SLC11A1: variants seen among roughly 807,000 people sequenced by gnomAD.
SLC11A1 encodes natural resistance-associated macrophage protein 1.
Under a neutral mutation model 63.2 loss-of-function variants are expected in SLC11A1, and 59 were observed. That is an observed-to-expected ratio of 0.93 (90% CI 0.76 to 1.16). SLC11A1 has a LOEUF of 1.16. Ranked by LOEUF, SLC11A1 falls within the 50% of genes most tolerant of loss-of-function variation. The pLI is 0.00. For missense variants in SLC11A1, 688 were observed against 730.7 expected, an observed-to-expected ratio of 0.94 and a Z score of 0.67; for synonymous variants, 305 against 307.8, an observed-to-expected ratio of 0.99 and a Z score of 0.09.
chr2:218,382,985 C>G lies in SLC11A1; in HGVS notation c.33C>G (p.Ser11Arg). The stretch of plus-strand genomic sequence containing the variant: ...GTGACAAGGGTCCCCAAAGGCTAAG[C>G]GGGTCCAGCTATGGTTCCATCTCCA... MTGDKGPQRL[S>R]GSSYGSISSP... Residue 11 changes from serine to arginine, a missense_variant, in exon 2 of 15, where the codon AGC becomes AGG. Physicochemically the swap from Ser to Arg is moderately radical, Grantham distance 110. Transcript: ENST00000233202. 1.9e-6 allele frequency: 3 copies of G among 1,614,082 alleles called. No homozygotes were observed. The highest frequency in any genetic ancestry group is 2.5e-6 in the Non-Finnish European group (3 of 1,180,010).
chr2:218,382,723 G>T (rs750152074), intron 1 of SLC11A1, among the ~76,000 whole-genome samples: 1 of 152,178 alleles, frequency 6.6e-6, no homozygotes, highest in Non-Finnish European at 1.5e-5. Flanking sequence ...ATTCTCTGTG[G>T]CAGGAGATCT....
rs2106334814 is a variant in SLC11A1 at position 218,390,017 on chromosome 2, A to C, written c.943A>C (p.Asn315His). ...VFGQAFYQKT[N>H]QAAFNICANS... is the part of the protein sequence containing the mutation. ...TGGGCAGGCCTTCTACCAGAAAACC[A>C]ACCAGGCTGCGGTGAGACACACTTT... is the stretch of plus-strand genomic sequence containing the variant. The change falls in exon 9 of 15, where the codon AAC becomes CAC. Residue 315 changes from asparagine (N) to histidine (H), a missense_variant. By Grantham distance (68) the Asn-to-His change is moderately conservative. Coordinates refer to ENST00000233202, the MANE Select transcript of SLC11A1 (RefSeq NM_000578.4). 1 of 1,611,568 alleles carries C rather than the reference A, an allele frequency of 6.2e-7. No individual in the cohort carries two copies. Among genetic ancestry groups the C allele is most frequent in the South Asian group, 1.1e-5 (1 of 90,800 alleles).
At position 218,383,005 on chromosome 2, in the gene SLC11A1, T is replaced by A; in HGVS notation, c.53T>A (p.Ile18Asn). The change falls in exon 2 of 15, where the codon ATC (isoleucine) becomes AAC (asparagine). Residue 18 changes from isoleucine to asparagine, a missense_variant. Transcript: ENST00000233202. ...CTAAGCGGGTCCAGCTATGGTTCCA[T>A]CTCCAGCCCGACCAGCCCGACCAGC... ...QRLSGSSYGSISSPTSPTSPG... is the reference protein window; with the variant it reads ...QRLSGSSYGSNSSPTSPTSPG... 6.2e-7 allele frequency: 1 copy of A among 1,613,842 alleles called. No individual in the cohort carries two copies.
chr2:218,387,589 T>C lies in SLC11A1; in HGVS notation c.596T>C (p.Phe199Ser), dbSNP rs1358670849. The change falls in exon 7 of 15, where the codon TTT becomes TCT. Residue 199 changes from phenylalanine (F) to serine (S), a missense_variant. Phe to Ser is a radical substitution (Grantham distance 155). Transcript: ENST00000233202. ...GGGCTGCGGAAGCTGGAAGCTTTTT[T>C]TGGACTCCTTATAACCATTATGGCC... is the stretch of plus-strand genomic sequence containing the variant. ...NYGLRKLEAF[F>S]GLLITIMALT... 3 of 1,614,212 alleles carry C rather than the reference T, an allele frequency of 1.9e-6. No homozygotes were observed. The highest frequency in any genetic ancestry group is 2.5e-6 in the Non-Finnish European group (3 of 1,180,042).
At position 218,387,189 on chromosome 2, in the gene SLC11A1, C is replaced by T; in HGVS notation, c.530C>T (p.Thr177Ile). 1 of 1,614,168 alleles carries T rather than the reference C, an allele frequency of 6.2e-7. No homozygotes were observed. Among genetic ancestry groups the T allele is most frequent in the Non-Finnish European group, 8.5e-7 (1 of 1,180,010 alleles). The change falls in exon 6 of 15, where the codon ACC (threonine) becomes ATC (isoleucine). Residue 177 changes from threonine (T) to isoleucine (I), a missense_variant. Transcript: ENST00000233202. ...CCACTCTGGGGTGGCGTCCTCATCA[C>T]CATCGTGGACACCTTCTTCTTCCTC... is the stretch of plus-strand genomic sequence containing the variant. ...RIPLWGGVLI[T>I]IVDTFFFLFL...
intron 4 of SLC11A1, among the ~76,000 whole-genome samples, chr2:218,385,776 G>A (rs1372922617): frequency 6.6e-6 from 1 of 152,196 alleles, no homozygotes; most frequent in Non-Finnish European, 1.5e-5. Flanking sequence ...TCATTTCACA[G>A]AAGGGGTAAT....
Position 218,395,050 on chromosome 2 carries a change from C to G in SLC11A1, c.*15C>G. On this transcript the variant is annotated 3_prime_UTR_variant, in exon 15 of 15. Coordinates refer to ENST00000233202, the MANE Select transcript of SLC11A1 (RefSeq NM_000578.4). ...CCTCTGGCTAGGCCCACACCAGGGC[C>G]TGGCTGGGAGTGGCATGTATGACGT... 6.4e-7 allele frequency: 1 copy of G among 1,569,692 alleles called. No homozygotes were observed. Among genetic ancestry groups the G allele is most frequent in the Non-Finnish European group, 8.7e-7 (1 of 1,152,846 alleles).
intron 9 of SLC11A1, among the ~76,000 whole-genome samples, chr2:218,390,914 G>A (rs566480887): frequency 2.0e-5 from 3 of 152,068 alleles, no homozygotes; most frequent in Admixed American, 1.3e-4. Flanking sequence ...GGGTGCGGTG[G>A]CTCACGCCTG....
In SLC11A1 at chr2:218,386,745, C is replaced by G. The variant is rs775967572; in HGVS notation, c.500+4C>G. On this transcript the variant is annotated splice_donor_region_variant and intron_variant, in intron 5 of 14. Coordinates refer to ENST00000233202, the MANE Select transcript of SLC11A1 (RefSeq NM_000578.4). The stretch of plus-strand genomic sequence containing the variant: ...TCAATCTGCTCTCAGCTGGACGGTA[C>G]CACCCCAGTGTACCCCAACTCTTCA... 5.0e-6 allele frequency: 8 copies of G among 1,609,206 alleles called. No individual in the cohort carries two copies. The South Asian group carries it at 8.8e-5, about 18-fold the overall frequency.
At chr2:218,393,303 C>T (rs1696562969) in intron 12 of SLC11A1, among the ~76,000 whole-genome samples, 173 bp downstream of exon 12, 1 of 151,810 alleles carries the variant, frequency 6.6e-6, no homozygotes, top group Non-Finnish European at 1.5e-5. Flanking sequence ...TAGGAATCAC[C>T]ATTATCCTTC....
At chr2:218,382,418 A>G (rs778694140) in intron 1 of SLC11A1, 43 bp downstream of exon 1, 6 of 1,610,156 alleles carry the variant, frequency 3.7e-6, no homozygotes, top group Non-Finnish European at 4.2e-6. Flanking sequence ...TGGGGGGTGG[A>G]GTGGAGGAGA....
At chr2:218,386,983 A>G in intron 5 of SLC11A1, 177 bp from the exon 6 acceptor site, 7 of 670,168 alleles carry the variant, frequency 1.0e-5, no homozygotes, top group Non-Finnish European at 1.9e-5. Flanking sequence ...TCTCTCCTCT[A>G]GCTCTGCCCT....
At position 218,394,987 on chromosome 2, in the gene SLC11A1, C is replaced by T. The variant is rs773077667; in HGVS notation, c.1605C>T (p.Phe535=). Residue 535 remains phenylalanine (F), a synonymous_variant, in exon 15 of 15, where the codon TTC becomes TTT. Transcript: ENST00000233202. ...TGGCCCACAGCTCCCACCACCACTT[C>T]CTGTATGGGCTCCTTGAAGAGGACC... The part of the protein sequence containing the change: ...TFLAHSSHHH[F]LYGLLEEDQK... 26 of 1,613,050 alleles carry T rather than the reference C, an allele frequency of 1.6e-5. No homozygotes were observed. The Admixed American group carries it at 4.3e-4, about 27-fold the overall frequency.
Position 218,387,724 on chromosome 2 carries a change from G to A in SLC11A1, c.640-76G>A. 2.5e-6 allele frequency: 4 copies of A among 1,611,606 alleles called. No individual in the cohort carries two copies. In the African/African-American group the frequency reaches 4.0e-5, roughly 16 times the overall value. On this transcript the variant is annotated intron_variant, in intron 7 of 14. Coordinates refer to ENST00000233202, the MANE Select transcript of SLC11A1 (RefSeq NM_000578.4). Reference sequence around the variant, plus strand: ...CGCGGGCTGCGGGGGGCTGGGGTGGGATGGAGGCTGAGAAATGGTGACCGC... The same window carrying A: ...CGCGGGCTGCGGGGGGCTGGGGTGGAATGGAGGCTGAGAAATGGTGACCGC...
rs1267072677 is a variant in SLC11A1 at position 218,393,076 on chromosome 2, C to G, written c.1260C>G (p.Asp420Glu). ...CCGTGCTCGTGGCTGTCTTCCGGGACCTGAGGGACTTGTCGGGCCTCAATG... is the reference window on the plus strand; with the variant it reads ...CCGTGCTCGTGGCTGTCTTCCGGGAGCTGAGGGACTTGTCGGGCCTCAATG... ...LPTVLVAVFRDLRDLSGLNDL... is the reference protein window; with the variant it reads ...LPTVLVAVFRELRDLSGLNDL... The change falls in exon 12 of 15, where the codon GAC becomes GAG. Residue 420 changes from aspartate to glutamate, a missense_variant. Asp to Glu is a conservative substitution (Grantham distance 45). Coordinates refer to ENST00000233202, the MANE Select transcript of SLC11A1 (RefSeq NM_000578.4). 3.1e-6 allele frequency: 5 copies of G among 1,597,984 alleles called. No individual in the cohort carries two copies. The highest frequency in any genetic ancestry group is 1.3e-5 in the African/African-American group (1 of 74,630).
chr2:218,393,053 G>T lies in SLC11A1; in HGVS notation c.1237G>T (p.Val413Leu). 6.3e-7 allele frequency: 1 copy of T among 1,599,320 alleles called. No individual in the cohort carries two copies. ...CCGCTCCTGCGCCATCCTGCCCACC[G>T]TGCTCGTGGCTGTCTTCCGGGACCT... ...LTRSCAILPTVLVAVFRDLRD... is the reference protein window; with the variant it reads ...LTRSCAILPTLLVAVFRDLRD... The change falls in exon 12 of 15, where the codon GTG becomes TTG. Residue 413 changes from valine (V) to leucine (L), a missense_variant. Coordinates refer to ENST00000233202, the MANE Select transcript of SLC11A1 (RefSeq NM_000578.4).
Position 218,395,066 on chromosome 2 carries a change from T to A in SLC11A1, c.*31T>A. ...CACCAGGGCCTGGCTGGGAGTGGCA[T>A]GTATGACGTGACTGGCCTGCTGGAT... On this transcript the variant is annotated 3_prime_UTR_variant, in exon 15 of 15. Coordinates refer to ENST00000233202, the MANE Select transcript of SLC11A1 (RefSeq NM_000578.4). 6.6e-7 allele frequency: 1 copy of A among 1,509,548 alleles called. No individual in the cohort carries two copies. 93.5% of individuals were successfully genotyped at this position (1,509,548 alleles called of 1,614,324 possible). A position where few individuals can be genotyped will look rare whatever the true frequency, so the allele number is the denominator to read the frequency against.
At chr2:218,383,176 G>C in intron 2 of SLC11A1, 74 bp downstream of exon 2, 4 of 1,532,506 alleles carry the variant, frequency 2.6e-6, no homozygotes, top group Middle Eastern at 1.7e-4. Flanking sequence ...CTGGAGAATG[G>C]GGTCTCCTTA....
Position 218,392,834 on chromosome 2 carries a change from C to T in SLC11A1, c.1165-147C>T, listed in dbSNP as rs1696528516. 5.2e-6 allele frequency: 3 copies of T among 576,502 alleles called. No individual in the cohort carries two copies. In the South Asian group the frequency reaches 8.4e-5, roughly 16 times the overall value. The allele number at this position is 576,502 out of a possible 1,614,324, so 35.7% of individuals were successfully genotyped here. On this transcript the variant is annotated intron_variant, in intron 11 of 14. Transcript: ENST00000233202. Reference sequence around the variant, plus strand: ...ATTTCTCCCCACCCATCCCCTCTTGCCACCTAGGGACAGAGCTGTCCCAGT... The same window carrying T: ...ATTTCTCCCCACCCATCCCCTCTTGTCACCTAGGGACAGAGCTGTCCCAGT...
Sources: gnomAD v4.1 joint callset for allele counts (sites outside exome capture counted in the v4.1 genomes callset) on GRCh38, gnomAD v4.1.1 for gene constraint, MANE v1.5 for transcripts, NCBI Gene and HGNC (gene_info 2026-07-23, HGNC 2026-07-21) for gene names.